GATAD2A: variants seen among roughly 807,000 people sequenced by gnomAD.
GATAD2A encodes the protein transcriptional repressor p66-alpha.
Under a neutral mutation model 68.5 loss-of-function variants are expected in GATAD2A, and 12 were observed. That is an observed-to-expected ratio of 0.18 (90% CI 0.11 to 0.28). The LOEUF (loss-of-function observed/expected upper bound fraction) is 0.28, where lower values mean the gene tolerates loss of function less well. Among genes scored for constraint, GATAD2A ranks in the 10% least tolerant of loss-of-function variants. The pLI, the probability that GATAD2A is intolerant of heterozygous loss-of-function variation, is 1.00. For missense variants in GATAD2A, 755 were observed against 868.5 expected (o/e 0.87, Z 1.64); for synonymous variants, 410 against 375.3 (o/e 1.09, Z -1.07).
chr19:19,495,632 C>G (rs918554150), intron 5 of GATAD2A, 122 bp from the exon 6 acceptor site: 18 of 664,690 alleles, frequency 2.7e-5, no homozygotes, highest in Non-Finnish European at 3.5e-5. Context: ...TTCTCTGCTA[C>G]TTAAAAAAAA....
Position 19,505,694 on chromosome 19 carries a change from G to A in GATAD2A, c.*220G>A, listed in dbSNP as rs958934276. 2.3e-5 allele frequency: 11 copies of A among 479,450 alleles called. No homozygotes were observed. The South Asian group carries it at 3.0e-4, about 13-fold the overall frequency. 29.7% of individuals were successfully genotyped at this position (479,450 alleles called of 1,614,324 possible). A position where few individuals can be genotyped will look rare whatever the true frequency, so the allele number is the denominator to read the frequency against. Reference sequence around the variant, plus strand: ...GCCTCATAGGCAGACGAGGATCATCGCTGGGGGACCTTTCCCGTGGGCTTT... The same window carrying A: ...GCCTCATAGGCAGACGAGGATCATCACTGGGGGACCTTTCCCGTGGGCTTT... On this transcript the variant is annotated 3_prime_UTR_variant, in exon 12 of 12. Transcript: ENST00000683918.
At chr19:19,394,365 T>C (rs1328624493) in intron 1 of GATAD2A, among the ~76,000 whole-genome samples, 1 of 152,030 alleles carries the variant, frequency 6.6e-6, no homozygotes, top group Non-Finnish European at 1.5e-5. Flanking sequence ...TTAGGAATAA[T>C]GAGATTTCCA....
chr19:19,388,723 C>T (rs1262943381), intron 1 of GATAD2A, among the ~76,000 whole-genome samples: 10 of 152,098 alleles, frequency 6.6e-5, no homozygotes, highest in Admixed American at 6.6e-4. Flanking sequence ...GAGTGACCCA[C>T]TTCCTGTCCC....
chr19:19,467,122 T>C (rs932764587), intron 2 of GATAD2A, among the ~76,000 whole-genome samples: 8 of 152,184 alleles, frequency 5.3e-5, no homozygotes, highest in Non-Finnish European at 1.5e-5. Context: ...ACGCCTGTAA[T>C]CCCAGCACTT....
chr19:19,434,797 TC>T (rs2054133503), intron 1 of GATAD2A, among the ~76,000 whole-genome samples: 1 of 152,218 alleles, frequency 6.6e-6, no homozygotes. Context: ...GCATTAGTTT[TC>T]CTGTCTGTAA....
rs562708544 is a variant in GATAD2A at position 19,387,916 on chromosome 19, ATCT to A, written c.-7+1784_-7+1786del. Among the ~76,000 whole-genome samples the A allele has an allele frequency of 2.1e-3, 322 of 151,944 alleles. 1 individual carries two copies. The highest frequency in any genetic ancestry group is 7.0e-3 in the African/African-American group (292 of 41,430). ...CGTCTCCCGATGGGAGACACTGTGGATCTTCTTCACTTCCCTGAGGGGTCCCTC... is the reference window on the plus strand; with the variant it reads ...CGTCTCCCGATGGGAGACACTGTGGATCTTCACTTCCCTGAGGGGTCCCTC... On this transcript the variant is annotated intron_variant, in intron 1 of 11. Transcript: ENST00000360315.
chr19:19,433,680 A>G (rs1009887250), intron 1 of GATAD2A, among the ~76,000 whole-genome samples: 1 of 152,258 alleles, frequency 6.6e-6, no homozygotes, highest in Non-Finnish European at 1.5e-5. Context: ...TCTTTTAAAC[A>G]TGTTCAGAGA....
chr19:19,466,571 T>C (rs1463113716), intron 2 of GATAD2A, among the ~76,000 whole-genome samples: 3 of 152,232 alleles, frequency 2.0e-5, no homozygotes, highest in Non-Finnish European at 2.9e-5. Flanking sequence ...TGCAGTCTTA[T>C]GTCAAATTCG....
chr19:19,404,300 T>C (rs557269334), upstream of GATAD2A, among the ~76,000 whole-genome samples: 3 of 152,262 alleles, frequency 2.0e-5, no homozygotes, highest in East Asian at 5.8e-4. Flanking sequence ...AAATTTGTTC[T>C]ACATGAAGTG....
At chr19:19,425,766 A>G (rs1236696163) in intron 1 of GATAD2A, among the ~76,000 whole-genome samples, 13 of 151,472 alleles carry the variant, frequency 8.6e-5, no homozygotes, top group Non-Finnish European at 1.5e-4. Context: ...TTGACAGGGG[A>G]CATAGTGGTT....
At chr19:19,409,282 C>G (rs1052143201) in intron 1 of GATAD2A, among the ~76,000 whole-genome samples, 1 of 152,012 alleles carries the variant, frequency 6.6e-6, no homozygotes, top group Non-Finnish European at 1.5e-5. Flanking sequence ...CTTTCCCCCC[C>G]ATAATTGAGT....
intron 1 of GATAD2A, among the ~76,000 whole-genome samples, chr19:19,410,404 G>T (rs1257505197): frequency 1.3e-5 from 2 of 152,158 alleles, no homozygotes; most frequent in African/African-American, 4.8e-5. Flanking sequence ...TGGCCTCAAA[G>T]ATAGTAGCTA....
chr19:19,405,284 T>C (rs1383134882), upstream of GATAD2A, among the ~76,000 whole-genome samples: 1 of 152,198 alleles, frequency 6.6e-6, no homozygotes, highest in Non-Finnish European at 1.5e-5. Context: ...AGCTTCCGCG[T>C]GACGACCCCG....
At chr19:19,462,841 C>T (rs1050071446) in intron 1 of GATAD2A, among the ~76,000 whole-genome samples, 7 of 152,146 alleles carry the variant, frequency 4.6e-5, no homozygotes, top group East Asian at 3.8e-4. Context: ...GGAGCAGCTT[C>T]GAGAACTCAT....
At chr19:19,406,605 T>C (rs2050301434) in intron 1 of GATAD2A, among the ~76,000 whole-genome samples, 1 of 152,166 alleles carries the variant, frequency 6.6e-6, no homozygotes, top group South Asian at 2.1e-4. Context: ...TCTCCGGCCT[T>C]TCTCAAGGCC....
chr19:19,442,838 C>A (rs572656492), intron 1 of GATAD2A, among the ~76,000 whole-genome samples: 1 of 151,554 alleles, frequency 6.6e-6, no homozygotes, highest in African/African-American at 2.4e-5. Flanking sequence ...GCTCACTGGT[C>A]CCCTTTGGTA....
intron 1 of GATAD2A, among the ~76,000 whole-genome samples, chr19:19,436,700 A>G (rs2054395264): frequency 6.6e-6 from 1 of 152,232 alleles, no homozygotes; most frequent in Non-Finnish European, 1.5e-5. Context: ...TTAGGCAGAG[A>G]CTGTCAAGAG....
intron 2 of GATAD2A, among the ~76,000 whole-genome samples, chr19:19,491,073 G>A (rs1428285071): frequency 1.3e-5 from 2 of 152,132 alleles, no homozygotes; most frequent in African/African-American, 2.4e-5. Context: ...CATCCTAGAG[G>A]ATCGTTCACA....
Position 19,507,708 on chromosome 19 carries a change from CCAGGGAGCATTCCAT to C in GATAD2A, c.*2241_*2255del, listed in dbSNP as rs1435744037. Reference sequence around the variant, plus strand: ...AAGGGAGAGGGTCGGCCCCATGTCCCCAGGGAGCATTCCATCAGGGACAACGTACATACTGTGATG... The same window carrying C: ...AAGGGAGAGGGTCGGCCCCATGTCCCCAGGGACAACGTACATACTGTGATG... On this transcript the variant is annotated 3_prime_UTR_variant, in exon 12 of 12. Transcript: ENST00000683918. The C allele has an allele frequency of 6.6e-6, 1 of 152,162 alleles. No homozygotes were observed. The highest frequency in any genetic ancestry group is 1.9e-4 in the East Asian group (1 of 5,198). 9.4% of individuals were successfully genotyped at this position (152,162 alleles called of 1,614,324 possible).
Sources: allele counts gnomAD v4.1 joint callset (sites outside exome capture counted in the v4.1 genomes callset), GRCh38; gene constraint gnomAD v4.1.1; transcripts MANE v1.5; gene names NCBI Gene and HGNC (gene_info 2026-07-23, HGNC 2026-07-21).